Variants in NAV1 observed in about 807,000 individuals in gnomAD.
NAV1 encodes pore membrane and/or filament interacting like protein 3.
A neutral mutation model predicts 175.2 loss-of-function variants in NAV1; 18 were observed. The ratio of observed to expected loss-of-function variants is 0.10; its 90% CI spans 0.07 to 0.15. The LOEUF (loss-of-function observed/expected upper bound fraction) is 0.15, where lower values mean the gene tolerates loss of function less well. Among genes scored for constraint, NAV1 ranks in the 10% least tolerant of loss-of-function variants. The pLI is 1.00. For missense variants in NAV1, 1,731 were observed against 2,436.6 expected, an observed-to-expected ratio of 0.71 and a Z score of 6.10; for synonymous variants, 897 against 978.7, an observed-to-expected ratio of 0.92 and a Z score of 1.56.
intron 2 of NAV1, among the ~76,000 whole-genome samples, chr1:201,596,725 G>A (rs972664078): frequency 1.3e-5 from 2 of 152,168 alleles, no homozygotes; most frequent in African/African-American, 4.8e-5. Flanking sequence ...AGTGGTGAAC[G>A]AAATATGGTC....
chr1:201,608,174 C>T lies in NAV1; in HGVS notation c.-32-14679C>T, dbSNP rs566411535. Among the ~76,000 whole-genome samples the T allele has an allele frequency of 7.2e-4, 110 of 152,064 alleles. 2 individuals carry two copies. Among genetic ancestry groups the T allele is most frequent in the Non-Finnish European group, 1.3e-3 (90 of 68,012 alleles). On this transcript the variant is annotated intron_variant, in intron 2 of 33. Transcript: ENST00000685211. ...AGCAATTCAGTGATGTAGGTATTCTCGTTTTTCAGATGAAACAACGAAAGC... is the reference window on the plus strand; with the variant it reads ...AGCAATTCAGTGATGTAGGTATTCTTGTTTTTCAGATGAAACAACGAAAGC...
intron 1 of NAV1, among the ~76,000 whole-genome samples, chr1:201,587,785 T>C (rs970626712): frequency 6.6e-6 from 1 of 152,066 alleles, no homozygotes; most frequent in African/African-American, 2.4e-5. Flanking sequence ...CCAAAGACAA[T>C]ACACAAATGG....
intron 1 of NAV1, among the ~76,000 whole-genome samples, chr1:201,564,539 C>G (rs1666298871): frequency 6.6e-6 from 1 of 152,170 alleles, no homozygotes; most frequent in African/African-American, 2.4e-5. Context: ...TGCTTGAACC[C>G]TTGAACCCAG....
At chr1:201,785,562 G>C (rs78857343) in intron 8 of NAV1, among the ~76,000 whole-genome samples, 3,721 of 151,936 alleles carry the variant, frequency 0.024, 149 homozygotes, top group African/African-American at 0.085. Flanking sequence ...TCTTTTTTTG[G>C]TGACAGGGGA....
At chr1:201,581,567 G>A (rs1014490494) in intron 1 of NAV1, among the ~76,000 whole-genome samples, 11 of 152,132 alleles carry the variant, frequency 7.2e-5, no homozygotes, top group African/African-American at 2.7e-4. Context: ...GGTGGCTCAT[G>A]CCTATAATCC....
intron 1 of NAV1, among the ~76,000 whole-genome samples, chr1:201,588,124 T>C (rs973243577): frequency 6.6e-6 from 1 of 152,194 alleles, no homozygotes; most frequent in African/African-American, 2.4e-5. Context: ...CAAATGTTCA[T>C]AGCAGCAAAA....
intron 15 of NAV1, among the ~76,000 whole-genome samples, chr1:201,801,618 G>A (rs1204713822): frequency 1.3e-5 from 2 of 152,172 alleles, no homozygotes; most frequent in Non-Finnish European, 2.9e-5. Context: ...ACTGAGCCAA[G>A]CCTAAAAAAT....
intron 1 of NAV1, among the ~76,000 whole-genome samples, chr1:201,572,797 G>T (rs1666585570): frequency 6.6e-6 from 1 of 152,204 alleles, no homozygotes; most frequent in African/African-American, 2.4e-5. Context: ...AAACTGTGCA[G>T]GTGTTGACAA....
rs547260775 is a variant in NAV1, at chr1:201,677,375, C to G, written c.757+27950C>G. ...AGGAAAGGACCACTATGTTGTGATC[C>G]CTGCAAGTTTCCTCAGTGCCTCTCC... is the stretch of plus-strand genomic sequence containing the variant. On this transcript the variant is annotated intron_variant, in intron 1 of 29. Coordinates refer to ENST00000367296, the Ensembl canonical transcript of NAV1. 3.9e-5 allele frequency among the ~76,000 whole-genome samples: 6 copies of G among 152,188 alleles called. No homozygotes were observed. In the South Asian group the frequency reaches 6.2e-4, roughly 16 times the overall value.
chr1:201,555,788 A>G (rs890557230), intron 1 of NAV1, among the ~76,000 whole-genome samples: 2 of 147,622 alleles, frequency 1.4e-5, no homozygotes, highest in African/African-American at 5.0e-5. Context: ...AGAGGCCAGA[A>G]AAGGGAGGGG....
intron 1 of NAV1, among the ~76,000 whole-genome samples, chr1:201,650,672 T>G (rs1196712872): frequency 6.6e-6 from 1 of 152,134 alleles, no homozygotes; most frequent in Non-Finnish European, 1.5e-5. Flanking sequence ...CCTGCTGCAG[T>G]CTTCCTAGGA....
intron 1 of NAV1, among the ~76,000 whole-genome samples, chr1:201,704,653 AGGATTTTCCAAAATGT>A (rs796793016): frequency 4.6e-5 from 7 of 152,360 alleles, no homozygotes; most frequent in African/African-American, 1.7e-4. Flanking sequence ...ATGAGATGTA[AGGATTTTCCAAAATGT>A]GGCCTTATGT....
At chr1:201,570,264 C>T (rs1666493111) in intron 1 of NAV1, among the ~76,000 whole-genome samples, 1 of 152,190 alleles carries the variant, frequency 6.6e-6, no homozygotes, top group Admixed American at 6.5e-5. Flanking sequence ...ACTCAGCAGA[C>T]CCAAAGATCA....
chr1:201,757,989 T>C (rs1312064339), intron 3 of NAV1, among the ~76,000 whole-genome samples: 3 of 152,230 alleles, frequency 2.0e-5, no homozygotes, highest in Non-Finnish European at 4.4e-5. Flanking sequence ...CAGGGCCTCC[T>C]GCCCCCATCC....
chr1:201,567,068 C>T (rs1267833317), intron 1 of NAV1, among the ~76,000 whole-genome samples: 1 of 152,020 alleles, frequency 6.6e-6, no homozygotes. Flanking sequence ...CCCCCCATCC[C>T]CAGCCACCGG....
intron 2 of NAV1, among the ~76,000 whole-genome samples, chr1:201,615,585 C>T (rs549009223): frequency 6.6e-6 from 1 of 152,280 alleles, no homozygotes; most frequent in African/African-American, 2.4e-5. Flanking sequence ...TTCTTGAGCA[C>T]TTCCTATGTG....
chr1:201,818,623 T>C (rs565658137), intron 29 of NAV1, among the ~76,000 whole-genome samples: 1 of 151,696 alleles, frequency 6.6e-6, no homozygotes, highest in African/African-American at 2.4e-5. Flanking sequence ...CTCCAATAAT[T>C]GAGGAAATGC....
Position 201,820,097 on chromosome 1 carries a change from C to G in NAV1, c.*165C>G, listed in dbSNP as rs1679301017. On this transcript the variant is annotated 3_prime_UTR_variant, in exon 30 of 30. Transcript: ENST00000367296. ...GAGGGACAGGTTCTTGGTGCTGTAC[C>G]TTTGAGAACTTCCTAGGAAGGAATG... 9 of 638,184 alleles carry G rather than the reference C, an allele frequency of 1.4e-5. No homozygotes were observed. In the South Asian group the frequency reaches 1.6e-4, roughly 11 times the overall value. 39.5% of individuals were successfully genotyped at this position (638,184 alleles called of 1,614,324 possible).
At position 201,591,512 on chromosome 1, in the gene NAV1, G is replaced by T. The variant is rs140415847; in HGVS notation, c.-33+2863G>T. On this transcript the variant is annotated intron_variant, in intron 2 of 33. Coordinates refer to the NAV1 transcript ENST00000685211. ...TGCCTGGGCTGCAGGGGCTGAGCAGGCCTGGCATATAGAAGGAGGGTGTGA... is the reference window on the plus strand; with the variant it reads ...TGCCTGGGCTGCAGGGGCTGAGCAGTCCTGGCATATAGAAGGAGGGTGTGA... 5.6e-3 allele frequency among the ~76,000 whole-genome samples: 849 copies of T among 152,328 alleles called. 6 individuals carry two copies. Among genetic ancestry groups the T allele is most frequent in the African/African-American group, 0.018 (766 of 41,572 alleles).
Sources: allele counts gnomAD v4.1 joint callset (sites outside exome capture counted in the v4.1 genomes callset), GRCh38; gene constraint gnomAD v4.1.1; transcripts MANE v1.5; gene names NCBI Gene and HGNC (gene_info 2026-07-23, HGNC 2026-07-21).